COL16A1: variants seen among roughly 807,000 people sequenced by gnomAD.
COL16A1 encodes collagen type XVI alpha 1 chain.
COL16A1 carries 189 observed loss-of-function variants against 266.3 expected under a neutral mutation model. The ratio of observed to expected loss-of-function variants is 0.71; its 90% confidence interval spans 0.63 to 0.80. The LOEUF is 0.80. Ranked by LOEUF, COL16A1 falls within the 30% of genes least tolerant of loss-of-function variation. The probability of loss-of-function intolerance (pLI) is 0.00; values close to 1 mark genes in which losing one functional copy is unlikely to be tolerated. For missense variants in COL16A1, 1,928 were observed against 2,122.4 expected, an observed-to-expected ratio of 0.91 and a Z score of 1.80; for synonymous variants, 740 against 782.3, an observed-to-expected ratio of 0.95 and a Z score of 0.90.
intron 64 of COL16A1, among the ~76,000 whole-genome samples, chr1:31,658,115 G>A (rs1641328747): frequency 6.6e-6 from 1 of 152,236 alleles, no homozygotes; most frequent in Non-Finnish European, 1.5e-5. Context: ...TGGTTTCCGA[G>A]GACCTCAGGA....
chr1:31,662,879 G>A, intron 56 of COL16A1: 2 of 596,606 alleles, frequency 3.4e-6, no homozygotes, highest in South Asian at 4.0e-5. Flanking sequence ...TTTCCTTGCT[G>A]CCCCATGAGG....
intron 70 of COL16A1, chr1:31,653,299 T>C (rs1192011773): frequency 2.9e-6 from 1 of 339,250 alleles, no homozygotes; most frequent in Non-Finnish European, 5.4e-6. Flanking sequence ...CTTCAAGGTG[T>C]ACAGCCAGTG....
rs1467157539 is a variant in COL16A1 at position 31,695,238 on chromosome 1, G to A, written c.946-17C>T. ...GGGCGGACACTGAAAGGGAAGAGCAGGCGAAGAGGTCAATTCTGAGCCCCT... is the reference window on the plus strand; with the variant it reads ...GGGCGGACACTGAAAGGGAAGAGCAAGCGAAGAGGTCAATTCTGAGCCCCT... On this transcript the variant is annotated splice_polypyrimidine_tract_variant and intron_variant, in intron 10 of 70. Transcript: ENST00000373672. 1 of 1,613,750 alleles carries A rather than the reference G, an allele frequency of 6.2e-7. No homozygotes were observed. Among genetic ancestry groups the A allele is most frequent in the South Asian group, 1.1e-5 (1 of 91,024 alleles).
chr1:31,679,624 C>T lies in COL16A1; in HGVS notation c.2772+8G>A. Reference sequence around the variant, plus strand: ...ACCCAAGCTCCTCATTCTCTTCTCCCCCTTTACCTGCAGCCCAGGTACTCC... The same window carrying T: ...ACCCAAGCTCCTCATTCTCTTCTCCTCCTTTACCTGCAGCCCAGGTACTCC... On this transcript the variant is annotated splice_region_variant and intron_variant, in intron 42 of 70. Coordinates refer to ENST00000373672, the MANE Select transcript of COL16A1 (RefSeq NM_001856.4). 6.2e-7 allele frequency: 1 copy of T among 1,614,244 alleles called. No individual in the cohort carries two copies. The highest frequency in any genetic ancestry group is 8.5e-7 in the Non-Finnish European group (1 of 1,180,050).
At chr1:31,683,678 G>T in intron 34 of COL16A1, 29 bp downstream of exon 34, 1 of 1,614,082 alleles carries the variant, frequency 6.2e-7, no homozygotes, top group Non-Finnish European at 8.5e-7. Flanking sequence ...GTGCTGAGAG[G>T]ACAGGCAAAG....
chr1:31,697,685 G>A lies in COL16A1; in HGVS notation c.657+221C>T, dbSNP rs1016258160. 2.6e-5 allele frequency among the ~76,000 whole-genome samples: 4 copies of A among 152,192 alleles called. No homozygotes were observed. Among genetic ancestry groups the A allele is most frequent in the South Asian group, 4.1e-4 (2 of 4,822 alleles). On this transcript the variant is annotated intron_variant, in intron 6 of 70. Coordinates refer to ENST00000373672, the MANE Select transcript of COL16A1 (RefSeq NM_001856.4). The surrounding 1 kb of genome is among the most constrained non-coding windows in gnomAD (Gnocchi z 4.2). ...GGAATTGATCAGAGCAGAGCTGCACGGAGAGATGTAAAGGAAGATGGTGCT... is the reference window on the plus strand; with the variant it reads ...GGAATTGATCAGAGCAGAGCTGCACAGAGAGATGTAAAGGAAGATGGTGCT...
chr1:31,665,417 T>C (rs1642042896), intron 55 of COL16A1, 166 bp downstream of exon 55: 18 of 1,427,716 alleles, frequency 1.3e-5, no homozygotes, highest in Non-Finnish European at 1.7e-5. Context: ...GAGGCTGGGC[T>C]CTCCAGGTCC....
chr1:31,661,489 C>T (rs1262710975), intron 59 of COL16A1, 31 bp from the exon 60 acceptor site: 1 of 1,614,198 alleles, frequency 6.2e-7, no homozygotes, highest in Admixed American at 1.7e-5. Flanking sequence ...TTCTCATGTC[C>T]CTCATGTCAG....
rs765326966 is a variant in COL16A1, at chr1:31,665,584, G to A, written c.3491C>T (p.Pro1164Leu). Residue 1164 changes from proline to leucine, a missense_variant and splice_region_variant, in exon 55 of 71, where the codon CCG (proline) becomes CTG (leucine). By Grantham distance (98) the Pro-to-Leu change is moderately conservative. This residue lies in a region of COL16A1 where 1,552 missense variants were observed against 1,637.2 expected (regional missense o/e 0.95). Transcript: ENST00000373672. Reference protein sequence around the residue: ...FQGQPGFPGPPGPPGFPGKVG... With the variant: ...FQGQPGFPGPLGPPGFPGKVG... ...TGGCTTTGTGTCTTCTTCACTCACCGGTGGGCCCGGAAAGCCTGGCTGGCC... is the reference window on the plus strand; with the variant it reads ...TGGCTTTGTGTCTTCTTCACTCACCAGTGGGCCCGGAAAGCCTGGCTGGCC... The A allele has an allele frequency of 1.2e-5, 19 of 1,614,026 alleles. No individual in the cohort carries two copies. The highest frequency in any genetic ancestry group is 2.2e-5 in the East Asian group (1 of 44,886).
At chr1:31,690,870 G>T (rs979756111) in intron 20 of COL16A1, among the ~76,000 whole-genome samples, 1 of 152,196 alleles carries the variant, frequency 6.6e-6, no homozygotes, top group Non-Finnish European at 1.5e-5. Context: ...AGAGCTTTCT[G>T]CACATCCAGG....
At position 31,688,579 on chromosome 1, in the gene COL16A1, A is replaced by G. The variant is rs1644104865; in HGVS notation, c.1768-77T>C. ...AAGGCTCCCCGGGTCCCAGTGTCCA[A>G]CCAGAAACAGAACGGTAAGATAGGA... On this transcript the variant is annotated intron_variant, in intron 25 of 70. Coordinates refer to ENST00000373672, the MANE Select transcript of COL16A1 (RefSeq NM_001856.4). This position sits in a 1 kb window ranked among gnomAD's most constrained non-coding sequence, Gnocchi z 4.9. 1.3e-6 allele frequency: 2 copies of G among 1,574,444 alleles called. No homozygotes were observed. Among genetic ancestry groups the G allele is most frequent in the East Asian group, 2.2e-5 (1 of 44,666 alleles).
rs1642128561 is a variant in COL16A1, at chr1:31,666,180, G to A, written c.3358-99C>T. 13 of 1,286,108 alleles carry A rather than the reference G, an allele frequency of 1.0e-5. No homozygotes were observed. The South Asian group carries it at 1.1e-4, about 11-fold the overall frequency. 79.7% of individuals were successfully genotyped at this position (1,286,108 alleles called of 1,614,324 possible). ...GGACTGCCCAGAACAGAGGTGGCAT[G>A]TGCTGGGAGGCCCCTGGGCTGGCAG... On this transcript the variant is annotated intron_variant, in intron 52 of 70. Transcript: ENST00000373672.
At chr1:31,654,710 G>A (rs1018717410) in intron 68 of COL16A1, 82 bp downstream of exon 68, 117 of 1,609,540 alleles carry the variant, frequency 7.3e-5, no homozygotes, top group Non-Finnish European at 8.8e-5. Flanking sequence ...TGAGCGTTAA[G>A]GAGAAAGAGG....
At chr1:31,692,713 C>A in intron 14 of COL16A1, 54 bp downstream of exon 14, 1 of 1,612,266 alleles carries the variant, frequency 6.2e-7, no homozygotes, top group South Asian at 1.1e-5. Context: ...ACAGTCCCTC[C>A]CCAGGGGCTG....
intron 64 of COL16A1, among the ~76,000 whole-genome samples, chr1:31,658,112 C>G (rs1051929609): frequency 6.6e-6 from 1 of 152,214 alleles, no homozygotes; most frequent in Admixed American, 6.5e-5. Context: ...TCCTGGTTTC[C>G]GAGGACCTCA....
chr1:31,702,434 C>T (rs151013044), intron 1 of COL16A1, among the ~76,000 whole-genome samples: 4 of 152,320 alleles, frequency 2.6e-5, no homozygotes, highest in South Asian at 4.1e-4. Context: ...ATTTAACCAC[C>T]GGTATGGCAC....
chr1:31,676,324 C>CAAAAAA (rs11449957), intron 42 of COL16A1, among the ~76,000 whole-genome samples: 1 of 100,334 alleles, frequency 1.0e-5, no homozygotes, highest in Non-Finnish European at 1.9e-5. Context: ...GACTCCGTCT[C>CAAAAAA]AAAAAAAAAA....
intron 69 of COL16A1, 84 bp downstream of exon 69, chr1:31,653,783 C>A: frequency 6.4e-7 from 1 of 1,571,424 alleles, no homozygotes; most frequent in South Asian, 1.2e-5. Flanking sequence ...ACATACATCC[C>A]ATATTCACAA....
chr1:31,686,334 A>G (rs2148784584), intron 26 of COL16A1, 55 bp from the exon 27 acceptor site: 1 of 1,613,094 alleles, frequency 6.2e-7, no homozygotes, highest in Non-Finnish European at 8.5e-7. Context: ...TGGGTGCTAG[A>G]GCAATCCCAA....
Sources: allele counts gnomAD v4.1 joint callset (sites outside exome capture counted in the v4.1 genomes callset), GRCh38; gene constraint gnomAD v4.1.1; regional missense constraint gnomAD v4.1.1; non-coding constraint Gnocchi (gnomAD v3.1); transcripts MANE v1.5; gene names NCBI Gene and HGNC (gene_info 2026-07-23, HGNC 2026-07-21).